The following RERE variants were observed in gnomAD, a reference collection of about 807,000 sequenced individuals.
The protein encoded by RERE is arginine-glutamic acid dipeptide repeats protein.
In RERE, 40 loss-of-function variants were observed where a neutral mutation model predicts 146.1. The observed-to-expected ratio is 0.27, with a 90% CI of 0.21 to 0.36. RERE has a LOEUF of 0.36. RERE is among the 10% of genes least tolerant of loss of function. The pLI is 1.00. For synonymous variants in RERE, 1,003 were observed against 866.0 expected, an observed-to-expected ratio of 1.16 and a Z score of -2.78; for missense variants, 1,933 against 2,138.7, an observed-to-expected ratio of 0.90 and a Z score of 1.90.
chr1:8,684,926 T>C (rs1401409667), intron 1 of RERE, among the ~76,000 whole-genome samples: 3 of 152,246 alleles, frequency 2.0e-5, no homozygotes, highest in African/African-American at 7.2e-5. Flanking sequence ...TGCACGATCA[T>C]GGCTCACTAC....
At chr1:8,675,750 CAT>C (rs1638827150) in intron 1 of RERE, among the ~76,000 whole-genome samples, 1 of 149,870 alleles carries the variant, frequency 6.7e-6, no homozygotes, top group Non-Finnish European at 1.5e-5. Flanking sequence ...TACATACATA[CAT>C]ACATACATAC....
At chr1:8,492,396 C>T (rs1277525342) in intron 10 of RERE, among the ~76,000 whole-genome samples, 1 of 152,196 alleles carries the variant, frequency 6.6e-6, no homozygotes, top group African/African-American at 2.4e-5. Flanking sequence ...ATGGCAAGAT[C>T]TTCATTATTC....
chr1:8,705,936 G>A (rs1354306952), intron 1 of RERE, among the ~76,000 whole-genome samples: 2 of 152,060 alleles, frequency 1.3e-5, no homozygotes, highest in African/African-American at 4.8e-5. Flanking sequence ...CTAACATGGT[G>A]AAACCCTGTC....
chr1:8,591,397 T>C (rs983162275), intron 4 of RERE, among the ~76,000 whole-genome samples: 3 of 150,786 alleles, frequency 2.0e-5, no homozygotes, highest in African/African-American at 7.3e-5. Flanking sequence ...TGACAGTGAA[T>C]TGCAAATGGC....
At chr1:8,717,952 AT>A (rs1388483452) in intron 1 of RERE, among the ~76,000 whole-genome samples, 1 of 152,252 alleles carries the variant, frequency 6.6e-6, no homozygotes, top group Admixed American at 6.5e-5. Flanking sequence ...TCAACTAAAA[AT>A]AATCCAGTTA....
intron 1 of RERE, among the ~76,000 whole-genome samples, chr1:8,726,525 T>C (rs1047172275): frequency 6.6e-6 from 1 of 152,208 alleles, no homozygotes; most frequent in Admixed American, 6.5e-5. Flanking sequence ...ATAATTCTGA[T>C]ACATTAGCTA....
intron 11 of RERE, among the ~76,000 whole-genome samples, chr1:8,441,725 C>T (rs948531758): frequency 6.6e-6 from 1 of 152,298 alleles, no homozygotes; most frequent in South Asian, 2.1e-4. Flanking sequence ...TACTTACTCA[C>T]ATAAACAAGG....
At chr1:8,388,370 A>G (rs1642757469) in intron 12 of RERE, among the ~76,000 whole-genome samples, 1 of 150,512 alleles carries the variant, frequency 6.6e-6, no homozygotes, top group South Asian at 2.1e-4. Flanking sequence ...TGGACTGCGG[A>G]CTGCAGTGGC....
chr1:8,639,133 A>C (rs113162451), intron 2 of RERE, among the ~76,000 whole-genome samples: 51 of 152,330 alleles, frequency 3.3e-4, no homozygotes, highest in Admixed American at 1.0e-3. Flanking sequence ...GCAAAAGAAG[A>C]AGCAGTAAGT....
intron 6 of RERE, among the ~76,000 whole-genome samples, chr1:8,547,143 G>GAGGGT (rs1242195353): frequency 2.0e-5 from 3 of 147,102 alleles, no homozygotes; most frequent in African/African-American, 7.5e-5. Flanking sequence ...AACTAAAAAA[G>GAGGGT]AGGGGAACAT....
chr1:8,507,604 T>G (rs1645271569), intron 8 of RERE, among the ~76,000 whole-genome samples: 1 of 152,046 alleles, frequency 6.6e-6, no homozygotes, highest in Non-Finnish European at 1.5e-5. Flanking sequence ...GGATGGAGTT[T>G]CACCATGTTG....
At chr1:8,513,467 G>A (rs1195213764) in intron 7 of RERE, among the ~76,000 whole-genome samples, 1 of 152,216 alleles carries the variant, frequency 6.6e-6, no homozygotes, top group East Asian at 1.9e-4. Flanking sequence ...ACACAGTGAT[G>A]TAACTAGAAA....
chr1:8,648,596 C>T (rs1647438967), intron 2 of RERE, among the ~76,000 whole-genome samples: 1 of 152,092 alleles, frequency 6.6e-6, no homozygotes, highest in African/African-American at 2.4e-5. Flanking sequence ...CAAACTAGAT[C>T]CTCAGGTTTC....
intron 12 of RERE, among the ~76,000 whole-genome samples, chr1:8,388,215 A>G (rs1283535973): frequency 6.6e-6 from 1 of 152,256 alleles, no homozygotes; most frequent in Non-Finnish European, 1.5e-5. Context: ...GAGGCAAGCC[A>G]TAAGGAAAAG....
At chr1:8,777,379 G>A (rs1289955475) in intron 1 of RERE, among the ~76,000 whole-genome samples, 1 of 152,048 alleles carries the variant, frequency 6.6e-6, no homozygotes, top group East Asian at 1.9e-4. Context: ...AAAGAACAAA[G>A]AGAATACCCA....
At chr1:8,690,117 A>T (rs1639178769) in intron 1 of RERE, among the ~76,000 whole-genome samples, 1 of 152,212 alleles carries the variant, frequency 6.6e-6, no homozygotes, top group Admixed American at 6.5e-5. Context: ...TGGGTGGCTT[A>T]AACAGCAAAA....
rs145969563 is a variant in RERE at position 8,520,082 on chromosome 1, C to A, written c.831-11407G>T. On this transcript the variant is annotated intron_variant, in intron 7 of 22. Transcript: ENST00000400908. ...TCAAAAATAAAACTAAAAACAAATA[C>A]AAATGAAAAAACAAAGAGATTTAGT... is the stretch of plus-strand genomic sequence containing the variant. Among the ~76,000 whole-genome samples, 65 of 152,216 alleles carry A rather than the reference C, an allele frequency of 4.3e-4. 1 individual carries two copies. Among genetic ancestry groups the A allele is most frequent in the African/African-American group, 1.4e-3 (59 of 41,548 alleles).
At chr1:8,497,281 C>A in intron 9 of RERE, 124 bp downstream of exon 9, 2 of 1,034,690 alleles carry the variant, frequency 1.9e-6, no homozygotes, top group Admixed American at 2.6e-5. Flanking sequence ...AGGGTGTAAC[C>A]AAACTTAAAG....
intron 4 of RERE, among the ~76,000 whole-genome samples, chr1:8,604,462 A>G (rs1646673003): frequency 6.6e-6 from 1 of 152,050 alleles, no homozygotes; most frequent in Non-Finnish European, 1.5e-5. Flanking sequence ...CTCTGAAAGG[A>G]GGGCAGAGGC....
Sources: allele counts gnomAD v4.1 joint callset (sites outside exome capture counted in the v4.1 genomes callset), GRCh38; gene constraint gnomAD v4.1.1; transcripts MANE v1.5; gene names NCBI Gene and HGNC (gene_info 2026-07-23, HGNC 2026-07-21).